ASTN2: variants seen among roughly 807,000 people sequenced by gnomAD.
The protein encoded by ASTN2 is astrotactin 2.
A neutral mutation model predicts 139.8 loss-of-function variants in ASTN2; 54 were observed. That is an observed-to-expected ratio of 0.39 (90% CI 0.31 to 0.48). The LOEUF (loss-of-function observed/expected upper bound fraction) is 0.48, where lower values mean the gene tolerates loss of function less well. Ranked by LOEUF, ASTN2 falls within the 20% of genes least tolerant of loss-of-function variation. ASTN2 has a pLI of 0.95. For missense variants in ASTN2, 1,565 were observed against 1,725.1 expected, an observed-to-expected ratio of 0.91 and a Z score of 1.64; for synonymous variants, 756 against 719.5, an observed-to-expected ratio of 1.05 and a Z score of -0.81.
At chr9:116,845,482 C>T (rs1367867956) in intron 11 of ASTN2, among the ~76,000 whole-genome samples, 1 of 152,040 alleles carries the variant, frequency 6.6e-6, no homozygotes, top group Non-Finnish European at 1.5e-5. Context: ...GGTAAATTCC[C>T]AGAGGGAGAA....
chr9:117,132,105 A>G (rs1829841024), intron 4 of ASTN2, among the ~76,000 whole-genome samples: 1 of 152,108 alleles, frequency 6.6e-6, no homozygotes. Context: ...TTCCACATAT[A>G]CAAGCAGATT....
chr9:117,374,888 G>A (rs1413511194), intron 1 of ASTN2, among the ~76,000 whole-genome samples: 1 of 152,162 alleles, frequency 6.6e-6, no homozygotes, highest in African/African-American at 2.4e-5. Context: ...ACCGAATACT[G>A]TCAACCCAGA....
At chr9:116,957,718 G>C (rs1835753134) in intron 10 of ASTN2, among the ~76,000 whole-genome samples, 1 of 152,188 alleles carries the variant, frequency 6.6e-6, no homozygotes, top group South Asian at 2.1e-4. Context: ...CTGTTGCTCT[G>C]TCACCAGGCT....
intron 3 of ASTN2, among the ~76,000 whole-genome samples, chr9:117,142,486 A>G (rs1564446854): frequency 6.6e-6 from 1 of 152,206 alleles, no homozygotes; most frequent in African/African-American, 2.4e-5. Flanking sequence ...TTGAAGCCCC[A>G]AAACACAATA....
chr9:116,433,646 T>C (rs1847563188), intron 22 of ASTN2, among the ~76,000 whole-genome samples: 1 of 152,246 alleles, frequency 6.6e-6, no homozygotes, highest in African/African-American at 2.4e-5. Flanking sequence ...CATATATTTT[T>C]AAGCTGGTGT....
intron 5 of ASTN2, among the ~76,000 whole-genome samples, chr9:117,048,156 G>C (rs1838798378): frequency 6.6e-6 from 1 of 152,126 alleles, no homozygotes; most frequent in Non-Finnish European, 1.5e-5. Flanking sequence ...CCTGGGCAGA[G>C]CAGAAGCAAC....
intron 19 of ASTN2, among the ~76,000 whole-genome samples, chr9:116,598,680 A>C (rs1203273748): frequency 6.6e-6 from 1 of 152,222 alleles, no homozygotes; most frequent in Non-Finnish European, 1.5e-5. Flanking sequence ...GAATTAAATG[A>C]GCTTAACATG....
chr9:117,028,563 G>A (rs1218497000), intron 6 of ASTN2, among the ~76,000 whole-genome samples: 1 of 152,088 alleles, frequency 6.6e-6, no homozygotes, highest in African/African-American at 2.4e-5. Context: ...GAGAGGGGAA[G>A]CTGCGGAGGG....
At chr9:116,557,102 T>A (rs995846950) in intron 19 of ASTN2, among the ~76,000 whole-genome samples, 3 of 151,432 alleles carry the variant, frequency 2.0e-5, no homozygotes, top group African/African-American at 7.3e-5. Flanking sequence ...CGGGTGCCTG[T>A]AGTCCCAGCT....
In ASTN2 at chr9:116,862,796, A is replaced by G. The variant is rs182579142; in HGVS notation, c.2040+787T>C. Among the ~76,000 whole-genome samples the G allele has an allele frequency of 1.0e-4, 12 of 114,882 alleles. 1 individual carries two copies. The Admixed American group carries it at 1.1e-3, about 10-fold the overall frequency. The allele number at this position is 114,882 out of a possible 152,430, so 75.4% of individuals were successfully genotyped here. ...CCAAGTGTATTTTCAAGATACCCCA[A>G]CACACACAAATACACACACACACAC... On this transcript the variant is annotated intron_variant, in intron 11 of 22. Transcript: ENST00000313400.
At position 117,199,189 on chromosome 9, in the gene ASTN2, G is replaced by A. The variant is rs140290126; in HGVS notation, c.1015+15169C>T. On this transcript the variant is annotated intron_variant, in intron 3 of 22. Coordinates refer to ENST00000313400, the MANE Select transcript of ASTN2 (RefSeq NM_001365068.1). ...TGTTGCAATTGCTTTTGGCATCTTC[G>A]TCATGAAGCCTTTGCCCATGCCTAT... Among the ~76,000 whole-genome samples, 72 of 152,186 alleles carry A rather than the reference G, an allele frequency of 4.7e-4. 1 individual carries two copies. The East Asian group carries it at 9.5e-3, about 20-fold the overall frequency.
At chr9:116,501,463 T>A (rs1048256075) in intron 19 of ASTN2, among the ~76,000 whole-genome samples, 1 of 152,162 alleles carries the variant, frequency 6.6e-6, no homozygotes, top group Admixed American at 6.5e-5. Flanking sequence ...TGATTTATAG[T>A]CCTTTGGGTA....
At chr9:117,184,595 T>C (rs1831152096) in intron 3 of ASTN2, among the ~76,000 whole-genome samples, 1 of 152,200 alleles carries the variant, frequency 6.6e-6, no homozygotes, top group Non-Finnish European at 1.5e-5. Flanking sequence ...GCATCATTTC[T>C]GTAAAAGGAG....
chr9:117,150,673 C>A (rs1332285485), intron 3 of ASTN2, among the ~76,000 whole-genome samples: 1 of 152,114 alleles, frequency 6.6e-6, no homozygotes, highest in Non-Finnish European at 1.5e-5. Flanking sequence ...ATGCTAAATG[C>A]ATATCAGAGT....
intron 5 of ASTN2, among the ~76,000 whole-genome samples, chr9:117,088,872 C>G (rs1022909406): frequency 6.6e-6 from 1 of 152,182 alleles, no homozygotes; most frequent in African/African-American, 2.4e-5. Flanking sequence ...GAGGTTCATG[C>G]TGGGTGCCTG....
intron 3 of ASTN2, among the ~76,000 whole-genome samples, chr9:117,170,813 T>C (rs1830774154): frequency 6.6e-6 from 1 of 152,164 alleles, no homozygotes; most frequent in Non-Finnish European, 1.5e-5. Context: ...GCAGAGTGAT[T>C]TGATTTTGCA....
intron 5 of ASTN2, among the ~76,000 whole-genome samples, chr9:117,083,677 G>A (rs933004136): frequency 3.3e-5 from 5 of 152,158 alleles, no homozygotes; most frequent in Non-Finnish European, 4.4e-5. Context: ...AGGCGGGTGG[G>A]GGAATCCTGC....
chr9:117,360,970 T>A (rs1829676150), intron 1 of ASTN2, among the ~76,000 whole-genome samples: 1 of 152,106 alleles, frequency 6.6e-6, no homozygotes, highest in African/African-American at 2.4e-5. Flanking sequence ...TTATTTCTCA[T>A]ATCCTCAGGA....
intron 1 of ASTN2, among the ~76,000 whole-genome samples, chr9:117,348,275 T>A (rs1056406186): frequency 2.6e-5 from 4 of 152,204 alleles, no homozygotes. Context: ...TGACTCAGGA[T>A]GCCAAACAAC....
Sources: allele counts gnomAD v4.1 joint callset (sites outside exome capture counted in the v4.1 genomes callset), GRCh38; gene constraint gnomAD v4.1.1; transcripts MANE v1.5; gene names NCBI Gene and HGNC (gene_info 2026-07-23, HGNC 2026-07-21).